Variants in RAB38 observed in about 807,000 individuals in gnomAD.
RAB38 encodes RAB38, member RAS oncogene family.
RAB38 carries 15 observed loss-of-function variants against 18.4 expected under a neutral mutation model. That is an observed-to-expected ratio of 0.82 (90% CI 0.55 to 1.26). RAB38 has a LOEUF of 1.26. RAB38 is among the 50% of genes most tolerant of loss of function. The pLI is 0.00. For missense variants in RAB38, 294 were observed against 267.4 expected (o/e 1.10, Z -0.69); for synonymous variants, 101 against 104.4 (o/e 0.97, Z 0.20).
chr11:88,047,926 C>T, the RAB38 span, among the ~76,000 whole-genome samples: 1 of 152,208 alleles, frequency 6.6e-6, no homozygotes, highest in African/African-American at 2.4e-5. Context: ...TCCAGCCTCA[C>T]AGGCCCATTC....
chr11:87,941,212 G>GATATATATATATATATATATATATATAT, the RAB38 span, among the ~76,000 whole-genome samples: 38 of 37,770 alleles, frequency 1.0e-3, 5 homozygotes, highest in South Asian at 3.2e-3. Flanking sequence ...ATAAATATAT[G>GATATATATATATATATATATATATATAT]AGATATATAT....
At chr11:88,057,098 G>A in the RAB38 span, among the ~76,000 whole-genome samples, 1 of 152,160 alleles carries the variant, frequency 6.6e-6, no homozygotes, top group African/African-American at 2.4e-5. Context: ...TACCACTGGA[G>A]AGACACTTAC....
the RAB38 span, among the ~76,000 whole-genome samples, chr11:88,014,772 C>G: frequency 6.6e-6 from 1 of 152,104 alleles, no homozygotes; most frequent in Non-Finnish European, 1.5e-5. Context: ...AAATTTGAGC[C>G]TCTCTTGATG....
chr11:88,057,809 T>C, the RAB38 span, among the ~76,000 whole-genome samples: 1 of 152,154 alleles, frequency 6.6e-6, no homozygotes, highest in Non-Finnish European at 1.5e-5. Flanking sequence ...CCCTAGTTCA[T>C]TGCTTAGGAT....
chr11:87,972,775 A>G, the RAB38 span, among the ~76,000 whole-genome samples: 1 of 152,092 alleles, frequency 6.6e-6, no homozygotes, highest in East Asian at 1.9e-4. Flanking sequence ...AAAAAAAGTC[A>G]AAAGGAAATA....
chr11:88,013,705 C>T, the RAB38 span, among the ~76,000 whole-genome samples: 7 of 152,018 alleles, frequency 4.6e-5, no homozygotes, highest in African/African-American at 1.7e-4. Flanking sequence ...ATGCATAGGC[C>T]AAGTCCTATT....
the RAB38 span, among the ~76,000 whole-genome samples, chr11:87,940,013 A>G: frequency 6.6e-6 from 1 of 152,110 alleles, no homozygotes; most frequent in Non-Finnish European, 1.5e-5. Context: ...GCAAAAGGGA[A>G]TAAAATAAAT....
At chr11:88,127,137 T>C (rs554275317) in intron 2 of RAB38, among the ~76,000 whole-genome samples, 1 of 152,350 alleles carries the variant, frequency 6.6e-6, no homozygotes, top group East Asian at 1.9e-4. Flanking sequence ...AATCATAGGA[T>C]TTCTCAGAGT....
chr11:88,134,782 C>T (rs151023184), intron 2 of RAB38, among the ~76,000 whole-genome samples: 7 of 152,304 alleles, frequency 4.6e-5, no homozygotes, highest in East Asian at 1.9e-4. Context: ...ACCACTGCAA[C>T]GATCCTTTAG....
the RAB38 span, among the ~76,000 whole-genome samples, chr11:88,051,787 C>T: frequency 6.6e-6 from 1 of 152,098 alleles, no homozygotes; most frequent in African/African-American, 2.4e-5. Context: ...GTATTAGAAC[C>T]ATAGGAATAA....
chr11:88,071,958 C>T, the RAB38 span, among the ~76,000 whole-genome samples: 1 of 152,204 alleles, frequency 6.6e-6, no homozygotes, highest in Admixed American at 6.5e-5. Context: ...ACAGGAGAGG[C>T]ATGCCCATTG....
downstream of RAB38, among the ~76,000 whole-genome samples, chr11:88,109,167 G>A (rs1480538669): frequency 1.3e-5 from 2 of 152,028 alleles, no homozygotes; most frequent in African/African-American, 2.4e-5. Context: ...AAAACAGCAT[G>A]GTACTGGTAC....
At chr11:88,147,093 C>T (rs1003403357) in intron 2 of RAB38, among the ~76,000 whole-genome samples, 1 of 152,206 alleles carries the variant, frequency 6.6e-6, no homozygotes, top group Non-Finnish European at 1.5e-5. Flanking sequence ...TAATTTCAAG[C>T]TTCCCCACAG....
At chr11:87,976,750 T>A in the RAB38 span, among the ~76,000 whole-genome samples, 4 of 116,766 alleles carry the variant, frequency 3.4e-5, no homozygotes, top group Admixed American at 3.3e-4. Flanking sequence ...ATTTATATAT[T>A]TATATATATT....
the RAB38 span, among the ~76,000 whole-genome samples, chr11:87,838,225 C>G: frequency 6.6e-6 from 1 of 152,158 alleles, no homozygotes; most frequent in East Asian, 1.9e-4. Context: ...TGCCATTCTC[C>G]TGCCTCAACC....
intron 2 of RAB38, among the ~76,000 whole-genome samples, chr11:88,121,893 T>C (rs992040586): frequency 6.6e-6 from 1 of 152,220 alleles, no homozygotes; most frequent in African/African-American, 2.4e-5. Flanking sequence ...CTGCTCCCTA[T>C]AAATGTCTAT....
the RAB38 span, among the ~76,000 whole-genome samples, chr11:88,063,836 G>A: frequency 3.0e-3 from 450 of 152,278 alleles, 2 homozygotes; most frequent in Middle Eastern, 0.02. Flanking sequence ...CCCCAGCCAC[G>A]TGGAACTGTG....
At chr11:88,046,014 A>G in the RAB38 span, among the ~76,000 whole-genome samples, 2 of 151,776 alleles carry the variant, frequency 1.3e-5, no homozygotes, top group African/African-American at 4.8e-5. Context: ...CCTCACTGCC[A>G]CCTTTTCCCC....
the RAB38 span, among the ~76,000 whole-genome samples, chr11:87,886,091 A>G: frequency 6.6e-6 from 1 of 151,852 alleles, no homozygotes; most frequent in African/African-American, 2.4e-5. Context: ...CAACTCCCAC[A>G]TCCTCACCAC....
Sources: allele counts gnomAD v4.1 joint callset (sites outside exome capture counted in the v4.1 genomes callset), GRCh38; gene constraint gnomAD v4.1.1; transcripts MANE v1.5; gene names NCBI Gene and HGNC (gene_info 2026-07-23, HGNC 2026-07-21).